KCNIP4: variants seen among roughly 807,000 people sequenced by gnomAD.
The protein encoded by KCNIP4 is Kv channel-interacting protein 4.
KCNIP4 carries 12 observed loss-of-function variants against 34.0 expected under a neutral mutation model. The observed-to-expected ratio is 0.35, with a 90% CI of 0.23 to 0.57. KCNIP4 has a LOEUF of 0.57. KCNIP4 is among the 20% of genes least tolerant of loss of function. KCNIP4 has a pLI of 0.83. For missense variants in KCNIP4, 238 were observed against 311.7 expected (o/e 0.76, Z 1.78); for synonymous variants, 124 against 102.2 (o/e 1.21, Z -1.29).
At chr4:21,605,926 C>T (rs900607262) in intron 1 of KCNIP4, among the ~76,000 whole-genome samples, 3 of 152,100 alleles carry the variant, frequency 2.0e-5, no homozygotes, top group Non-Finnish European at 4.4e-5. Flanking sequence ...AGTCTTCTTC[C>T]AGACAGAAAA....
chr4:21,364,888 T>G (rs66861941), intron 1 of KCNIP4, among the ~76,000 whole-genome samples: 39,834 of 152,022 alleles, frequency 0.26, 5,645 homozygotes, highest in Middle Eastern at 0.42. Flanking sequence ...ACTTCGATGG[T>G]TGGGGTCCTT....
chr4:21,118,208 C>T (rs1176314365), intron 1 of KCNIP4, among the ~76,000 whole-genome samples: 1 of 152,100 alleles, frequency 6.6e-6, no homozygotes, highest in African/African-American at 2.4e-5. Context: ...AACAGGCATC[C>T]AGTCAGAGCA....
At chr4:21,354,278 G>C (rs1332538177) in intron 1 of KCNIP4, among the ~76,000 whole-genome samples, 1 of 152,112 alleles carries the variant, frequency 6.6e-6, no homozygotes, top group Non-Finnish European at 1.5e-5. Flanking sequence ...ATAATGACAG[G>C]ATCAAATTCA....
At chr4:21,373,082 A>AT (rs74449248) in intron 1 of KCNIP4, among the ~76,000 whole-genome samples, 2 of 142,458 alleles carry the variant, frequency 1.4e-5, no homozygotes, top group African/African-American at 5.8e-5. Context: ...TGAACAGATT[A>AT]AAAAAAATTT....
chr4:21,086,968 C>CCTCT (rs113613645), intron 1 of KCNIP4, among the ~76,000 whole-genome samples: 18,506 of 141,218 alleles, frequency 0.13, 2,149 homozygotes, highest in African/African-American at 0.31. Flanking sequence ...CCTTTTCCTT[C>CCTCT]CTCTCTCTCT....
intron 1 of KCNIP4, among the ~76,000 whole-genome samples, chr4:21,364,807 G>A (rs1457355071): frequency 6.6e-6 from 1 of 152,034 alleles, no homozygotes; most frequent in Non-Finnish European, 1.5e-5. Context: ...AACAAATATG[G>A]GTGATTTCAT....
At chr4:21,292,649 CTTGAAATATCAA>C (rs1388596826) in intron 1 of KCNIP4, among the ~76,000 whole-genome samples, 1 of 152,104 alleles carries the variant, frequency 6.6e-6, no homozygotes, top group Non-Finnish European at 1.5e-5. Context: ...TTCCTTTCTC[CTTGAAATATCAA>C]TTACTCCCCA....
intron 1 of KCNIP4, among the ~76,000 whole-genome samples, chr4:21,308,934 G>C (rs1008989993): frequency 6.8e-6 from 1 of 147,858 alleles, no homozygotes; most frequent in Non-Finnish European, 1.5e-5. Context: ...GCTGCATGAA[G>C]GTTATCTCTT....
At chr4:21,351,207 C>T (rs1296701842) in intron 1 of KCNIP4, among the ~76,000 whole-genome samples, 1 of 152,086 alleles carries the variant, frequency 6.6e-6, no homozygotes, top group Admixed American at 6.6e-5. Flanking sequence ...TGTTAAAGTT[C>T]TAAGTCTCTG....
chr4:21,178,556 G>C lies in KCNIP4; in HGVS notation c.62-295847C>G, dbSNP rs1324393272. ...CCCATGGGTTTAACTTTCTCATCTG[G>C]AGTCCTACTTTTTGGGGTTGGTGAT... is the stretch of plus-strand genomic sequence containing the variant. On this transcript the variant is annotated intron_variant, in intron 1 of 8. Coordinates refer to ENST00000382152, the MANE Select transcript of KCNIP4 (RefSeq NM_025221.6). Among the ~76,000 whole-genome samples the C allele has an allele frequency of 2.0e-5, 3 of 149,186 alleles. 1 individual carries two copies. Among genetic ancestry groups the C allele is most frequent in the African/African-American group, 5.2e-5 (2 of 38,748 alleles).
At chr4:21,053,095 T>A (rs1743074739) in intron 1 of KCNIP4, among the ~76,000 whole-genome samples, 2 of 152,180 alleles carry the variant, frequency 1.3e-5, no homozygotes, top group South Asian at 4.2e-4. Flanking sequence ...TCTGTAATTG[T>A]ATCCACTTCA....
chr4:21,755,587 A>G (rs1378385580), intron 1 of KCNIP4, among the ~76,000 whole-genome samples: 1 of 152,138 alleles, frequency 6.6e-6, no homozygotes, highest in Non-Finnish European at 1.5e-5. Flanking sequence ...GCTCATACCA[A>G]TCAATTGATC....
intron 1 of KCNIP4, among the ~76,000 whole-genome samples, chr4:21,142,129 C>T (rs141898126): frequency 0.11 from 13,880 of 130,992 alleles, 794 homozygotes; most frequent in East Asian, 0.21. Context: ...CCAGCCTGGG[C>T]GACAGTGCGA....
chr4:21,634,394 A>G (rs1745981322), intron 1 of KCNIP4, among the ~76,000 whole-genome samples: 1 of 152,010 alleles, frequency 6.6e-6, no homozygotes, highest in Non-Finnish European at 1.5e-5. Flanking sequence ...AGAAATGTAC[A>G]CTTTATACTT....
intron 1 of KCNIP4, among the ~76,000 whole-genome samples, chr4:21,593,647 A>G (rs1297397743): frequency 9.2e-5 from 14 of 152,016 alleles, no homozygotes; most frequent in Admixed American, 9.2e-4. Flanking sequence ...ATTGCCCCAC[A>G]ACCTACTGGA....
At chr4:21,158,702 C>A (rs1753345182) in intron 1 of KCNIP4, among the ~76,000 whole-genome samples, 1 of 152,016 alleles carries the variant, frequency 6.6e-6, no homozygotes, top group Admixed American at 6.6e-5. Context: ...ATTTAAAAAA[C>A]TTAATATTTT....
rs184022365 is a variant in KCNIP4 at position 21,370,062 on chromosome 4, C to T, written c.62-487353G>A. On this transcript the variant is annotated intron_variant, in intron 1 of 8. Transcript: ENST00000382152. ...CAGGATGGTCTCGACCTCCTGACCT[C>T]GTGATCCTCCCACCTCGGCCTCCCG... is the stretch of plus-strand genomic sequence containing the variant. Among the ~76,000 whole-genome samples the T allele has an allele frequency of 2.0e-5, 3 of 147,414 alleles. 1 individual carries two copies. The highest frequency in any genetic ancestry group is 2.1e-4 in the South Asian group (1 of 4,760).
At chr4:21,187,090 C>T (rs149842945) in intron 1 of KCNIP4, among the ~76,000 whole-genome samples, 1 of 152,032 alleles carries the variant, frequency 6.6e-6, no homozygotes, top group South Asian at 2.1e-4. Context: ...TTATTTTATT[C>T]TCAGCAATAT....
chr4:21,355,910 A>T (rs1037405458), intron 1 of KCNIP4, among the ~76,000 whole-genome samples: 5 of 152,320 alleles, frequency 3.3e-5, no homozygotes, highest in African/African-American at 1.2e-4. Context: ...TCAATAAAAT[A>T]CTGGCAAACC....
Sources: allele counts gnomAD v4.1 joint callset (sites outside exome capture counted in the v4.1 genomes callset), GRCh38; gene constraint gnomAD v4.1.1; transcripts MANE v1.5; gene names NCBI Gene and HGNC (gene_info 2026-07-23, HGNC 2026-07-21).